Variants in DTNB observed in about 807,000 individuals in gnomAD.
DTNB encodes the protein DTN-B.
A neutral mutation model predicts 90.7 loss-of-function variants in DTNB; 63 were observed. The ratio of observed to expected loss-of-function variants is 0.69; its 90% CI spans 0.57 to 0.86. The LOEUF (loss-of-function observed/expected upper bound fraction) is 0.86, where lower values mean the gene tolerates loss of function less well. DTNB is among the 40% of genes least tolerant of loss of function. The pLI is 0.00. For synonymous variants in DTNB, 277 were observed against 286.7 expected, an observed-to-expected ratio of 0.97 and a Z score of 0.34; for missense variants, 744 against 807.1, an observed-to-expected ratio of 0.92 and a Z score of 0.95.
intron 1 of DTNB, among the ~76,000 whole-genome samples, chr2:25,655,923 T>C (rs1281361035): frequency 6.6e-6 from 1 of 152,096 alleles, no homozygotes; most frequent in Non-Finnish European, 1.5e-5. Context: ...TCCAACTACC[T>C]TTCCCCTGAA....
At chr2:25,416,193 A>G (rs1416204866) in intron 16 of DTNB, among the ~76,000 whole-genome samples, 1 of 152,206 alleles carries the variant, frequency 6.6e-6, no homozygotes, top group Non-Finnish European at 1.5e-5. Flanking sequence ...AAACCTACAC[A>G]TTTGGTGTCA....
chr2:25,381,274 CT>C (rs770086783), intron 19 of DTNB, among the ~76,000 whole-genome samples: 25 of 152,200 alleles, frequency 1.6e-4, no homozygotes, highest in Non-Finnish European at 2.6e-4. Context: ...ATCTCTTCAC[CT>C]TTTGCCCTCC....
intron 4 of DTNB, among the ~76,000 whole-genome samples, chr2:25,621,587 G>C (rs1354079569): frequency 6.9e-6 from 1 of 144,950 alleles, no homozygotes; most frequent in African/African-American, 2.6e-5. Flanking sequence ...TTACAGGCAT[G>C]CACCACCACC....
intron 10 of DTNB, among the ~76,000 whole-genome samples, chr2:25,457,033 G>A (rs575897756): frequency 5.3e-5 from 8 of 150,840 alleles, no homozygotes; most frequent in African/African-American, 1.5e-4. Context: ...TTTTTGAGAC[G>A]GAGTATCACT....
At chr2:25,378,728 A>C (rs2036618081) in intron 20 of DTNB, among the ~76,000 whole-genome samples, 1 of 152,238 alleles carries the variant, frequency 6.6e-6, no homozygotes, top group Non-Finnish European at 1.5e-5. Context: ...AGCAGTCCGT[A>C]CTTTTCTGCA....
At chr2:25,665,285 T>C (rs1235368592) in intron 1 of DTNB, among the ~76,000 whole-genome samples, 3 of 152,186 alleles carry the variant, frequency 2.0e-5, no homozygotes, top group African/African-American at 7.2e-5. Flanking sequence ...GTTCACCACC[T>C]CCCACCATCT....
At chr2:25,639,357 GGTGA>G (rs2077740180) in intron 2 of DTNB, 1 of 304,194 alleles carries the variant, frequency 3.3e-6, no homozygotes, top group African/African-American at 2.1e-5. Context: ...ACACTTATGA[GGTGA>G]GTGAGTGAAC....
chr2:25,425,944 G>C (rs1162742709), intron 15 of DTNB, among the ~76,000 whole-genome samples: 1 of 152,192 alleles, frequency 6.6e-6, no homozygotes, highest in East Asian at 1.9e-4. Context: ...TCATATGCCT[G>C]TAGTCCTAGC....
intron 16 of DTNB, among the ~76,000 whole-genome samples, chr2:25,411,320 T>C (rs1433599874): frequency 2.0e-5 from 3 of 151,722 alleles, no homozygotes; most frequent in Non-Finnish European, 4.4e-5. Context: ...GATCATGCCA[T>C]TGTACTCCAG....
intron 16 of DTNB, among the ~76,000 whole-genome samples, chr2:25,398,962 T>G (rs1458331289): frequency 6.6e-6 from 1 of 152,194 alleles, no homozygotes; most frequent in African/African-American, 2.4e-5. Flanking sequence ...TTTTTGGCCC[T>G]TTTTCTTCTG....
At chr2:25,393,994 T>C (rs1341440896) in intron 16 of DTNB, among the ~76,000 whole-genome samples, 1 of 147,420 alleles carries the variant, frequency 6.8e-6, no homozygotes, top group Non-Finnish European at 1.5e-5. Flanking sequence ...AACTTCAAAC[T>C]ATGCTATAAG....
At chr2:25,431,695 C>G (rs1226937484) in intron 14 of DTNB, among the ~76,000 whole-genome samples, 1 of 152,158 alleles carries the variant, frequency 6.6e-6, no homozygotes, top group Non-Finnish European at 1.5e-5. Context: ...GGATGACAGG[C>G]CTTTTTGCTT....
At chr2:25,526,317 G>A (rs1406856896) in intron 9 of DTNB, among the ~76,000 whole-genome samples, 2 of 137,152 alleles carry the variant, frequency 1.5e-5, no homozygotes, top group Admixed American at 7.5e-5. Context: ...CAGGGAGAAC[G>A]GACAGGTAAA....
At chr2:25,456,212 C>T (rs892225737) in intron 10 of DTNB, among the ~76,000 whole-genome samples, 3 of 152,200 alleles carry the variant, frequency 2.0e-5, no homozygotes, top group Non-Finnish European at 4.4e-5. Flanking sequence ...CATAGCAAAA[C>T]TTGAATGAAT....
chr2:25,465,605 C>T (rs1016798024), intron 10 of DTNB, among the ~76,000 whole-genome samples: 2 of 152,186 alleles, frequency 1.3e-5, no homozygotes, highest in Non-Finnish European at 2.9e-5. Flanking sequence ...GCCGTGCTGA[C>T]CTTTCCACTA....
intron 19 of DTNB, among the ~76,000 whole-genome samples, chr2:25,381,515 G>A (rs1038269151): frequency 6.6e-6 from 1 of 152,210 alleles, no homozygotes; most frequent in African/African-American, 2.4e-5. Context: ...AAGCAGCTGG[G>A]ACTACAGGTG....
chr2:25,648,191 G>A (rs2079945855), intron 2 of DTNB, among the ~76,000 whole-genome samples: 1 of 152,008 alleles, frequency 6.6e-6, no homozygotes, highest in African/African-American at 2.4e-5. Flanking sequence ...CACTTTTCTT[G>A]GTGATTTTAT....
intron 2 of DTNB, among the ~76,000 whole-genome samples, chr2:25,650,592 G>A (rs1293799607): frequency 6.6e-6 from 1 of 152,256 alleles, no homozygotes; most frequent in Non-Finnish European, 1.5e-5. Context: ...GAAGGGCCTT[G>A]TTTGGCATTC....
At chr2:25,408,153 A>G (rs2045689855) in intron 16 of DTNB, among the ~76,000 whole-genome samples, 1 of 151,960 alleles carries the variant, frequency 6.6e-6, no homozygotes, top group Admixed American at 6.6e-5. Flanking sequence ...TGAAAATACA[A>G]AAAAAATTAG....
Sources: allele counts gnomAD v4.1 joint callset (sites outside exome capture counted in the v4.1 genomes callset), GRCh38; gene constraint gnomAD v4.1.1; transcripts MANE v1.5; gene names NCBI Gene and HGNC (gene_info 2026-07-23, HGNC 2026-07-21).